Variants in SLC16A14 observed in about 807,000 individuals in gnomAD.
The protein encoded by SLC16A14 is solute carrier family 16 member 14, also known as monocarboxylate transporter 14.
A neutral mutation model predicts 35.8 loss-of-function variants in SLC16A14; 14 were observed. The observed-to-expected ratio is 0.39, with a 90% CI of 0.26 to 0.61. The LOEUF (loss-of-function observed/expected upper bound fraction) is 0.61, where lower values mean the gene tolerates loss of function less well. Among genes scored for constraint, SLC16A14 ranks in the 20% least tolerant of loss-of-function variants. The pLI is 0.51. For missense variants in SLC16A14, 533 were observed against 655.0 expected (o/e 0.81, Z 2.03); for synonymous variants, 248 against 258.9 (o/e 0.96, Z 0.40).
intron 1 of SLC16A14, among the ~76,000 whole-genome samples, chr2:230,064,392 ATGGG>A (rs1177705813): frequency 1.3e-4 from 19 of 151,764 alleles, no homozygotes; most frequent in African/African-American, 4.6e-4. Flanking sequence ...CTAGAAAGGG[ATGGG>A]GCAGCCCTTG....
intron 4 of SLC16A14, among the ~76,000 whole-genome samples, chr2:230,043,341 A>C (rs2077574960): frequency 6.6e-6 from 1 of 152,142 alleles, no homozygotes; most frequent in African/African-American, 2.4e-5. Flanking sequence ...TGTACTTCAA[A>C]TTTCAAGCGG....
Position 230,059,079 on chromosome 2 carries a change from C to T in SLC16A14, c.259+15G>A. 1.3e-6 allele frequency: 2 copies of T among 1,569,840 alleles called. No homozygotes were observed. The highest frequency in any genetic ancestry group is 1.2e-5 in the South Asian group (1 of 84,974). On this transcript the variant is annotated intron_variant, in intron 2 of 4. Transcript: ENST00000295190. ...ATAACGATTCAGTTTTACGACAGGT[C>T]ACACATGAACATACCCACTATCAAG... is the stretch of plus-strand genomic sequence containing the variant.
At chr2:230,051,343 T>C (rs1469148218) in intron 2 of SLC16A14, among the ~76,000 whole-genome samples, 2 of 152,134 alleles carry the variant, frequency 1.3e-5, no homozygotes, top group Non-Finnish European at 1.5e-5. Context: ...GTATTTTTTA[T>C]AGAGATAGGG....
Position 230,068,636 on chromosome 2 carries a change from A to G in SLC16A14, c.-96T>C. 1 of 152,520 alleles carries G rather than the reference A, an allele frequency of 6.6e-6. No homozygotes were observed. Among genetic ancestry groups the G allele is most frequent in the Non-Finnish European group, 1.5e-5 (1 of 68,078 alleles). 9.4% of individuals were successfully genotyped at this position (152,520 alleles called of 1,614,324 possible). A position where few individuals can be genotyped will look rare whatever the true frequency, so the allele number is the denominator to read the frequency against. On this transcript the variant is annotated 5_prime_UTR_variant, in exon 1 of 5. Transcript: ENST00000295190. This position sits in a 1 kb window ranked among gnomAD's most constrained non-coding sequence, Gnocchi z 5.1. ...TTGCTGCTCTGCTTGGAGCCCCCTGAGCTGCTGGGTGTAGAGATTTGTTGC... is the reference window on the plus strand; with the variant it reads ...TTGCTGCTCTGCTTGGAGCCCCCTGGGCTGCTGGGTGTAGAGATTTGTTGC...
chr2:230,053,262 T>C (rs1482625342), intron 2 of SLC16A14, among the ~76,000 whole-genome samples: 1 of 152,166 alleles, frequency 6.6e-6, no homozygotes, highest in Non-Finnish European at 1.5e-5. Context: ...ACCCACTGTT[T>C]ACTGATGGTC....
chr2:230,037,870 C>T (rs576137890), intron 4 of SLC16A14, among the ~76,000 whole-genome samples: 1 of 152,142 alleles, frequency 6.6e-6, no homozygotes, highest in African/African-American at 2.4e-5. Flanking sequence ...CTCAAAGGCC[C>T]GCACAAGGCC....
rs532190634 is a variant in SLC16A14 at position 230,037,755 on chromosome 2, T to C, written c.1382-224A>G. Among the ~76,000 whole-genome samples, 31 of 152,294 alleles carry C rather than the reference T, an allele frequency of 2.0e-4. No homozygotes were observed. In the South Asian group the frequency reaches 6.2e-3, roughly 31 times the overall value. ...TTTTAAAGGGTGTGCTGTACACCAGTGTTCCCCGTGCCTACGGAGGACTGC... is the reference window on the plus strand; with the variant it reads ...TTTTAAAGGGTGTGCTGTACACCAGCGTTCCCCGTGCCTACGGAGGACTGC... On this transcript the variant is annotated intron_variant, in intron 4 of 4. Transcript: ENST00000295190.
chr2:230,045,566 A>G (rs939989132), intron 4 of SLC16A14, 179 bp downstream of exon 4: 1 of 758,190 alleles, frequency 1.3e-6, no homozygotes, highest in Non-Finnish European at 2.1e-6. Flanking sequence ...TCTTGAAAAA[A>G]AAAAAGAAAG....
intron 4 of SLC16A14, among the ~76,000 whole-genome samples, chr2:230,040,002 T>C (rs1012731894): frequency 6.6e-6 from 1 of 152,172 alleles, no homozygotes; most frequent in Admixed American, 6.5e-5. Context: ...GCACAAGCCA[T>C]GCTGAATTTG....
Position 230,046,358 on chromosome 2 carries a change from C to T in SLC16A14, c.768G>A (p.Glu256=). Residue 256 remains glutamate, a synonymous_variant, in exon 4 of 5, where the codon GAG becomes GAA. Transcript: ENST00000295190. This position sits in a 1 kb window ranked among gnomAD's most constrained non-coding sequence, Gnocchi z 5.0. ...TEEKDGGLGN[E]ETLCDLQAQE... is the part of the protein sequence containing the mutation. The stretch of plus-strand genomic sequence containing the variant: ...GGGCTTGCAGGTCGCAGAGGGTCTC[C>T]TCGTTCCCGAGCCCACCATCCTTCT... 1 of 1,614,200 alleles carries T rather than the reference C, an allele frequency of 6.2e-7. No homozygotes were observed. Among genetic ancestry groups the T allele is most frequent in the Non-Finnish European group, 8.5e-7 (1 of 1,180,032 alleles).
At chr2:230,048,130 A>G (rs1223031972) in intron 3 of SLC16A14, among the ~76,000 whole-genome samples, 1 of 152,230 alleles carries the variant, frequency 6.6e-6, no homozygotes, top group Non-Finnish European at 1.5e-5. Context: ...GCTAACATTT[A>G]CTGAGCACTT....
At chr2:230,054,082 G>GT (rs2106266392) in intron 2 of SLC16A14, among the ~76,000 whole-genome samples, 1 of 81,032 alleles carries the variant, frequency 1.2e-5, no homozygotes, top group East Asian at 2.7e-4. Context: ...GGTGCAGCCT[G>GT]AGGTGGGGGG....
rs62191755 is a variant in SLC16A14 at position 230,046,576 on chromosome 2, C to T, written c.550G>A (p.Ala184Thr). ...LMTVLLKYLC[A>T]EYGWRNAMLI... ...ATGGCATTCCTCCAGCCGTACTCTGCGCACAGGTACTTCAGCAGCACAGTC... is the reference window on the plus strand; with the variant it reads ...ATGGCATTCCTCCAGCCGTACTCTGTGCACAGGTACTTCAGCAGCACAGTC... The change falls in exon 4 of 5, where the codon GCA becomes ACA. Residue 184 changes from alanine to threonine, a missense_variant. Coordinates refer to ENST00000295190, the MANE Select transcript of SLC16A14 (RefSeq NM_152527.5). The surrounding 1 kb of genome is among the most constrained non-coding windows in gnomAD (Gnocchi z 5.0). 2.1e-3 allele frequency: 3,309 copies of T among 1,614,142 alleles called. 9 individuals are homozygous for T. Among genetic ancestry groups the T allele is most frequent in the Non-Finnish European group, 2.5e-3 (2,927 of 1,180,042 alleles).
intron 4 of SLC16A14, among the ~76,000 whole-genome samples, chr2:230,039,012 G>C (rs140299226): frequency 6.6e-6 from 1 of 151,980 alleles, no homozygotes; most frequent in Non-Finnish European, 1.5e-5. Flanking sequence ...AAATGAATGC[G>C]TAAATGCACT....
chr2:230,054,248 C>T (rs2077687110), intron 2 of SLC16A14, among the ~76,000 whole-genome samples: 1 of 152,132 alleles, frequency 6.6e-6, no homozygotes, highest in South Asian at 2.1e-4. Flanking sequence ...CTCACAAAGG[C>T]TGCTGTAGAT....
rs1370881360 is a variant in SLC16A14 at position 230,035,761 on chromosome 2, A to AT, written c.*1618dup. 1 of 152,158 alleles carries AT rather than the reference A, an allele frequency of 6.6e-6. No homozygotes were observed. Among genetic ancestry groups the AT allele is most frequent in the Non-Finnish European group, 1.5e-5 (1 of 68,024 alleles). The allele number at this position is 152,158 out of a possible 1,614,324, so 9.4% of individuals were successfully genotyped here. A position where few individuals can be genotyped will look rare whatever the true frequency, so the allele number is the denominator to read the frequency against. Reference sequence around the variant, plus strand: ...AACCATGCTTTTGTCTCTCCTTTCCATTAGCTGCCTTTTATTATTTTGGTG... The same window carrying AT: ...AACCATGCTTTTGTCTCTCCTTTCCATTTAGCTGCCTTTTATTATTTTGGTG... On this transcript the variant is annotated 3_prime_UTR_variant, in exon 5 of 5. Transcript: ENST00000295190.
At chr2:230,056,249 GGT>G (rs1450818096) in intron 2 of SLC16A14, among the ~76,000 whole-genome samples, 114 of 134,104 alleles carry the variant, frequency 8.5e-4, no homozygotes, top group African/African-American at 3.0e-3. Context: ...TACTAATATT[GGT>G]GTTTTTTTTT....
In SLC16A14 at chr2:230,037,531, C is replaced by T; in HGVS notation, c.1382G>A (p.Gly461Glu). 6.3e-7 allele frequency: 1 copy of T among 1,590,364 alleles called. No individual in the cohort carries two copies. The highest frequency in any genetic ancestry group is 8.5e-7 in the Non-Finnish European group (1 of 1,172,388). ...TTTTTGCGTGATGTCATAGATCCAC[C>T]CTACAAAACAAAAAAGAATATATTC... ...ISALLGPPFA[G>E]WIYDITQKYD... The change falls in exon 5 of 5, where the codon GGG becomes GAG. Residue 461 changes from glycine to glutamate, a missense_variant and splice_region_variant. By Grantham distance (98) the Gly-to-Glu change is moderately conservative. Coordinates refer to ENST00000295190, the MANE Select transcript of SLC16A14 (RefSeq NM_152527.5).
At chr2:230,043,391 G>T (rs186071496) in intron 4 of SLC16A14, among the ~76,000 whole-genome samples, 184 of 151,862 alleles carry the variant, frequency 1.2e-3, no homozygotes, top group Non-Finnish European at 2.1e-3. Flanking sequence ...CTCTGCCAGT[G>T]GGGGGTCTTA....
Sources: allele counts gnomAD v4.1 joint callset (sites outside exome capture counted in the v4.1 genomes callset), GRCh38; gene constraint gnomAD v4.1.1; non-coding constraint Gnocchi (gnomAD v3.1); transcripts MANE v1.5; gene names NCBI Gene and HGNC (gene_info 2026-07-23, HGNC 2026-07-21).